Variants in CNTNAP2 observed in about 807,000 individuals in gnomAD.
CNTNAP2 encodes the protein contactin associated protein 2, also known as contactin-associated protein-like 2.
In CNTNAP2, 98 loss-of-function variants were observed where a neutral mutation model predicts 155.2. The ratio of observed to expected loss-of-function variants is 0.63; its 90% confidence interval spans 0.54 to 0.75. CNTNAP2 has a LOEUF of 0.75. CNTNAP2 is among the 30% of genes least tolerant of loss of function. The probability of loss-of-function intolerance (pLI) is 0.00; values close to 1 mark genes in which losing one functional copy is unlikely to be tolerated. For missense variants in CNTNAP2, 1,727 were observed against 1,688.1 expected, an observed-to-expected ratio of 1.02 and a Z score of -0.40; for synonymous variants, 651 against 631.2, an observed-to-expected ratio of 1.03 and a Z score of -0.47.
intron 8 of CNTNAP2, among the ~76,000 whole-genome samples, chr7:147,216,888 T>C (rs576863394): frequency 1.3e-5 from 2 of 152,180 alleles, no homozygotes; most frequent in African/African-American, 4.8e-5. Context: ...CTCATATTAA[T>C]TTTGTAATTC....
At chr7:147,900,869 T>C (rs1799857615) in intron 13 of CNTNAP2, among the ~76,000 whole-genome samples, 1 of 152,248 alleles carries the variant, frequency 6.6e-6, no homozygotes, top group South Asian at 2.1e-4. Flanking sequence ...TGGTTTGCCC[T>C]GATAGTTCCT....
chr7:147,529,239 C>A (rs1483000789), intron 11 of CNTNAP2, among the ~76,000 whole-genome samples: 1 of 152,304 alleles, frequency 6.6e-6, no homozygotes, highest in African/African-American at 2.4e-5. Context: ...TTTCCCAATG[C>A]AAATAAAGAT....
intron 2 of CNTNAP2, among the ~76,000 whole-genome samples, chr7:146,775,725 T>C (rs997681999): frequency 7.3e-5 from 11 of 151,658 alleles, no homozygotes; most frequent in Admixed American, 3.3e-4. Context: ...AAGAAAGGCA[T>C]ATCAGATTTA....
At chr7:146,290,111 G>A (rs1800405772) in intron 1 of CNTNAP2, among the ~76,000 whole-genome samples, 1 of 152,098 alleles carries the variant, frequency 6.6e-6, no homozygotes, top group Non-Finnish European at 1.5e-5. Context: ...TATGTATGAG[G>A]TATGGCTCAC....
rs191984912 is a variant in CNTNAP2 at position 147,697,772 on chromosome 7, T to C, written c.2098+58466T>C. Among the ~76,000 whole-genome samples, 3 of 152,280 alleles carry C rather than the reference T, an allele frequency of 2.0e-5. No individual in the cohort carries two copies. In the East Asian group the frequency reaches 5.8e-4, roughly 29 times the overall value. On this transcript the variant is annotated intron_variant, in intron 13 of 23. Transcript: ENST00000361727. Reference sequence around the variant, plus strand: ...GAAGATTCAGCTCTGGTAAAATAGTTTCTCCTCTGGGTAGGCCTTGTTAAG... The same window carrying C: ...GAAGATTCAGCTCTGGTAAAATAGTCTCTCCTCTGGGTAGGCCTTGTTAAG...
intron 3 of CNTNAP2, among the ~76,000 whole-genome samples, chr7:146,910,824 G>A (rs1796257241): frequency 6.7e-6 from 1 of 148,886 alleles, no homozygotes; most frequent in African/African-American, 2.5e-5. Flanking sequence ...TTAAACTAAA[G>A]AGCTTCTGCA....
At chr7:146,276,860 A>G (rs1320509485) in intron 1 of CNTNAP2, among the ~76,000 whole-genome samples, 1 of 152,188 alleles carries the variant, frequency 6.6e-6, no homozygotes, top group Non-Finnish European at 1.5e-5. Flanking sequence ...TAAATGACTG[A>G]ATTAGAAGTG....
chr7:146,768,660 G>T (rs1327973098), intron 1 of CNTNAP2, among the ~76,000 whole-genome samples: 2 of 152,014 alleles, frequency 1.3e-5, no homozygotes, highest in African/African-American at 2.4e-5. Flanking sequence ...TGTGCCTTTT[G>T]CCATGGAATT....
At chr7:146,972,079 A>G (rs577422493) in intron 3 of CNTNAP2, among the ~76,000 whole-genome samples, 1 of 152,268 alleles carries the variant, frequency 6.6e-6, no homozygotes, top group African/African-American at 2.4e-5. Context: ...CCTCTTGATG[A>G]CTGACAAGAT....
chr7:148,205,970 T>C (rs1423704964), intron 18 of CNTNAP2, among the ~76,000 whole-genome samples: 6 of 151,978 alleles, frequency 3.9e-5, no homozygotes, highest in African/African-American at 1.5e-4. Context: ...AAGGCACGCT[T>C]ATTTGCAAAA....
At chr7:147,034,688 G>A (rs559852607) in intron 3 of CNTNAP2, among the ~76,000 whole-genome samples, 3 of 152,238 alleles carry the variant, frequency 2.0e-5, no homozygotes, top group African/African-American at 4.8e-5. Flanking sequence ...TCAGCGAGGT[G>A]GATGGGGAGG....
At chr7:148,320,699 G>C (rs1038901404) in intron 21 of CNTNAP2, among the ~76,000 whole-genome samples, 2 of 151,968 alleles carry the variant, frequency 1.3e-5, no homozygotes, top group Non-Finnish European at 2.9e-5. Flanking sequence ...AGAATTTTTA[G>C]GTTCCCACTA....
chr7:146,192,547 A>T (rs1337252533), intron 1 of CNTNAP2, among the ~76,000 whole-genome samples: 33 of 152,126 alleles, frequency 2.2e-4, no homozygotes, highest in Admixed American at 2.2e-3. Flanking sequence ...GAATCCTCTA[A>T]CACCATCGTA....
intron 13 of CNTNAP2, among the ~76,000 whole-genome samples, chr7:147,856,178 G>T (rs1020045479): frequency 9.9e-5 from 15 of 151,614 alleles, no homozygotes; most frequent in Admixed American, 9.9e-4. Flanking sequence ...AGCCCATATA[G>T]GGTTTCTTGT....
intron 13 of CNTNAP2, among the ~76,000 whole-genome samples, chr7:147,856,149 C>T (rs1158934833): frequency 1.3e-5 from 2 of 152,020 alleles, no homozygotes; most frequent in Non-Finnish European, 2.9e-5. Context: ...TTCAACCGGC[C>T]GACCCTGCTG....
intron 1 of CNTNAP2, among the ~76,000 whole-genome samples, chr7:146,714,562 A>G (rs569613318): frequency 2.0e-5 from 3 of 152,326 alleles, no homozygotes; most frequent in South Asian, 4.1e-4. Flanking sequence ...TGTTAACACA[A>G]TGCTTCATGT....
chr7:146,395,831 G>T (rs370434254), intron 1 of CNTNAP2, among the ~76,000 whole-genome samples: 5,364 of 109,120 alleles, frequency 0.049, 308 homozygotes, highest in African/African-American at 0.17. Flanking sequence ...ATAGAGGAGA[G>T]AGAGAGAGAG....
intron 3 of CNTNAP2, among the ~76,000 whole-genome samples, chr7:146,911,404 C>T (rs2129217083): frequency 6.6e-6 from 1 of 152,104 alleles, no homozygotes; most frequent in East Asian, 1.9e-4. Context: ...TTGGAACCAA[C>T]CCAAATGTCC....
chr7:146,832,845 G>A (rs553696019), intron 2 of CNTNAP2, among the ~76,000 whole-genome samples: 3 of 151,858 alleles, frequency 2.0e-5, no homozygotes, highest in South Asian at 2.1e-4. Context: ...ACGGGCACCC[G>A]CCACCACGCC....
Sources: allele counts gnomAD v4.1 joint callset (sites outside exome capture counted in the v4.1 genomes callset), GRCh38; gene constraint gnomAD v4.1.1; transcripts MANE v1.5; gene names NCBI Gene and HGNC (gene_info 2026-07-23, HGNC 2026-07-21).